TENM1: variants seen among roughly 807,000 people sequenced by gnomAD.
The protein encoded by TENM1 is teneurin-1.
In TENM1, 35 loss-of-function variants were observed where a neutral mutation model predicts 174.8. The observed-to-expected ratio is 0.20, with a 90% confidence interval of 0.15 to 0.27. The LOEUF (loss-of-function observed/expected upper bound fraction) is 0.27, where lower values mean the gene tolerates loss of function less well. TENM1 is among the 10% of genes least tolerant of loss of function. The probability of loss-of-function intolerance (pLI) is 1.00; values close to 1 mark genes in which losing one functional copy is unlikely to be tolerated. For missense variants in TENM1, 1,633 were observed against 2,130.1 expected (o/e 0.77, Z 4.59); for synonymous variants, 781 against 798.7 (o/e 0.98, Z 0.37).
At chrX:125,036,332 C>T in the TENM1 span, among the ~76,000 whole-genome samples, 5 of 111,793 alleles carry the variant, frequency 4.5e-5, no homozygotes, top group African/African-American at 1.6e-4. Flanking sequence ...CTAAATAAAG[C>T]ATCGTGGCTT....
At chrX:124,390,328 A>C (rs746088076) in intron 28 of TENM1, among the ~76,000 whole-genome samples, 2 of 112,657 alleles carry the variant, frequency 1.8e-5, no homozygotes, top group Non-Finnish European at 3.8e-5. Context: ...TTGTGCAGAT[A>C]GTCTAAAGGG....
intron 22 of TENM1, among the ~76,000 whole-genome samples, chrX:124,475,567 C>T (rs1226840612): frequency 8.9e-6 from 1 of 112,047 alleles, no homozygotes; most frequent in Non-Finnish European, 1.9e-5. Flanking sequence ...CACCAACGAA[C>T]TCCTCATTGC....
intron 6 of TENM1, among the ~76,000 whole-genome samples, chrX:124,657,497 G>A (rs1272614454): frequency 1.8e-5 from 2 of 111,497 alleles, no homozygotes; most frequent in Non-Finnish European, 3.8e-5. Context: ...TGCAGTGGCG[G>A]TATCACCTAA....
At chrX:124,592,221 T>C (rs1444895489) in intron 11 of TENM1, among the ~76,000 whole-genome samples, 1 of 111,721 alleles carries the variant, frequency 9.0e-6, no homozygotes, top group Non-Finnish European at 1.9e-5. Flanking sequence ...TTGAATTCTT[T>C]ACCTGTAATT....
intron 13 of TENM1, 34 bp downstream of exon 16, chrX:124,563,715 A>G: frequency 8.9e-7 from 1 of 1,125,777 alleles, no homozygotes; most frequent in Non-Finnish European, 1.2e-6. Context: ...TTAAAAATAT[A>G]TTTCTGTTAT....
At chrX:124,972,116 C>T in the TENM1 span, among the ~76,000 whole-genome samples, 2 of 108,549 alleles carry the variant, frequency 1.8e-5, no homozygotes, top group Admixed American at 9.9e-5. Context: ...TCCTGTAATC[C>T]CAGCTATTCG....
intron 3 of TENM1, among the ~76,000 whole-genome samples, chrX:124,852,039 A>G (rs2056729179): frequency 9.0e-6 from 1 of 111,705 alleles, no homozygotes; most frequent in African/African-American, 3.2e-5. Context: ...TTTGCCAGAT[A>G]CAAAGGAAAG....
the TENM1 span, among the ~76,000 whole-genome samples, chrX:124,972,716 G>T: frequency 8.9e-6 from 1 of 112,009 alleles, no homozygotes; most frequent in East Asian, 2.8e-4. Context: ...CCACTTTTTA[G>T]GAGATGGGCT....
intron 3 of TENM1, among the ~76,000 whole-genome samples, chrX:124,885,286 T>G (rs1326662347): frequency 9.1e-6 from 1 of 110,437 alleles, no homozygotes; most frequent in Non-Finnish European, 1.9e-5. Context: ...TTGATATAAT[T>G]TGATAATATA....
intron 6 of TENM1, among the ~76,000 whole-genome samples, chrX:124,657,752 G>A (rs1039664313): frequency 5.4e-5 from 6 of 111,818 alleles, no homozygotes; most frequent in African/African-American, 1.9e-4. Context: ...ACATTTTAAG[G>A]TAAAAATGAT....
chrX:124,531,179 G>T (rs1325301590), intron 15 of TENM1, among the ~76,000 whole-genome samples: 1 of 99,701 alleles, frequency 1.0e-5, no homozygotes, highest in Non-Finnish European at 2.0e-5. Flanking sequence ...GGTATCCAGG[G>T]CAGCTCAATC....
At chrX:124,428,031 T>C (rs1220149599) in intron 23 of TENM1, among the ~76,000 whole-genome samples, 3 of 112,025 alleles carry the variant, frequency 2.7e-5, no homozygotes, top group Non-Finnish European at 5.6e-5. Context: ...GGCAAACTAT[T>C]TGGCCTCATT....
the TENM1 span, among the ~76,000 whole-genome samples, chrX:125,133,415 C>T: frequency 9.0e-6 from 1 of 111,514 alleles, no homozygotes; most frequent in Non-Finnish European, 1.9e-5. Flanking sequence ...CTGACTGTCT[C>T]AGAGTTTATT....
At chrX:125,102,065 T>C in the TENM1 span, among the ~76,000 whole-genome samples, 1 of 111,358 alleles carries the variant, frequency 9.0e-6, no homozygotes, top group Non-Finnish European at 1.9e-5. Context: ...AAAATACAAC[T>C]GTCATATGAA....
chrX:124,398,480 C>T (rs2060363519), intron 27 of TENM1, among the ~76,000 whole-genome samples: 1 of 110,655 alleles, frequency 9.0e-6, no homozygotes, highest in Non-Finnish European at 1.9e-5. Context: ...CCTGGAATTC[C>T]CATTTTTTTC....
At chrX:125,152,526 C>T in the TENM1 span, among the ~76,000 whole-genome samples, 1 of 111,992 alleles carries the variant, frequency 8.9e-6, no homozygotes, top group Non-Finnish European at 1.9e-5. Context: ...AGAAGCCATC[C>T]TTCCATAGGG....
At chrX:124,870,582 C>T (rs1387151547) in intron 3 of TENM1, among the ~76,000 whole-genome samples, 1 of 110,583 alleles carries the variant, frequency 9.0e-6, no homozygotes, top group African/African-American at 3.3e-5. Context: ...ACATGCAATA[C>T]TTGGAGGAAG....
chrX:124,629,650 G>A (rs2050714146), intron 11 of TENM1, among the ~76,000 whole-genome samples: 1 of 112,128 alleles, frequency 8.9e-6, no homozygotes, highest in African/African-American at 3.2e-5. Flanking sequence ...TACAGGAGAG[G>A]CTCAGAGAAT....
At chrX:124,582,745 G>A (rs1342102846) in intron 11 of TENM1, among the ~76,000 whole-genome samples, 1 of 111,972 alleles carries the variant, frequency 8.9e-6, no homozygotes, top group Non-Finnish European at 1.9e-5. Flanking sequence ...TGCCTCACTC[G>A]GGAAGTGCAA....
Sources: allele counts gnomAD v4.1 joint callset (sites outside exome capture counted in the v4.1 genomes callset), GRCh38; gene constraint gnomAD v4.1.1; transcripts MANE v1.5; gene names NCBI Gene and HGNC (gene_info 2026-07-23, HGNC 2026-07-21).